Variants in PLCXD1 observed in about 807,000 individuals in gnomAD.
The protein encoded by PLCXD1 is phosphatidylinositol specific phospholipase C X domain containing 1, also known as PI-PLC X domain-containing protein 1.
A neutral mutation model predicts 37.8 loss-of-function variants in PLCXD1; 45 were observed. The ratio of observed to expected loss-of-function variants is 1.19; its 90% CI spans 0.94 to 1.53. PLCXD1 has a LOEUF of 1.53. Ranked by LOEUF, PLCXD1 falls within the 40% of genes most tolerant of loss-of-function variation. The probability of loss-of-function intolerance (pLI) is 0.00; values close to 1 mark genes in which losing one functional copy is unlikely to be tolerated. For missense variants in PLCXD1, 539 were observed against 454.7 expected, an observed-to-expected ratio of 1.19 and a Z score of -1.69; for synonymous variants, 246 against 206.9, an observed-to-expected ratio of 1.19 and a Z score of -1.62.
intron 2 of PLCXD1, among the ~76,000 whole-genome samples, chrX:284,906 G>A (rs770389665): frequency 1.4e-4 from 21 of 152,282 alleles, no homozygotes; most frequent in South Asian, 1.0e-3. Flanking sequence ...ATCAGATCTC[G>A]TGAGACTTAT....
At chrX:278,891 A>G (rs1187104235), upstream of PLCXD1, among the ~76,000 whole-genome samples, 1 of 152,204 alleles carries the variant, frequency 6.6e-6, no homozygotes, top group Non-Finnish European at 1.5e-5. Flanking sequence ...CCATACGTGT[A>G]AGACGAACCT....
Position 300,642 on chromosome X carries a change from GTGTA to G in PLCXD1, c.*1310_*1313del, listed in dbSNP as rs1174139208. 2 of 152,028 alleles carry G rather than the reference GTGTA, an allele frequency of 1.3e-5. No homozygotes were observed. Among genetic ancestry groups the G allele is most frequent in the African/African-American group, 4.8e-5 (2 of 41,376 alleles). The allele number at this position is 152,028 out of a possible 1,614,324, so 9.4% of individuals were successfully genotyped here. On this transcript the variant is annotated 3_prime_UTR_variant, in exon 7 of 7. Transcript: ENST00000381657. The stretch of plus-strand genomic sequence containing the variant: ...TACGTGTATGTATACATGTATATGT[GTGTA>G]TGCGTGTATATACACACGTATACAT...
chrX:285,453 C>G (rs771199838), intron 2 of PLCXD1, among the ~76,000 whole-genome samples: 1 of 152,286 alleles, frequency 6.6e-6, no homozygotes, highest in East Asian at 1.9e-4. Context: ...TGCACAGACA[C>G]ACGTGCACAC....
chrX:294,387 T>C (rs187669392), intron 6 of PLCXD1, among the ~76,000 whole-genome samples: 4,484 of 143,168 alleles, frequency 0.031, 132 homozygotes, highest in African/African-American at 0.082. Context: ...GAGGCTGAGG[T>C]AGGAGAATGG....
rs989872772 is a variant in PLCXD1 at position 284,330 on chromosome X, G to A, written c.127+16G>A. 6.2e-7 allele frequency: 1 copy of A among 1,612,274 alleles called. No individual in the cohort carries two copies. Among genetic ancestry groups the A allele is most frequent in the African/African-American group, 1.3e-5 (1 of 74,866 alleles). ...TCCATCCCAGGTGAGGTTGGGGTGG[G>A]GCAGGGGCCGTTGCCTCTATCCCAG... On this transcript the variant is annotated intron_variant, in intron 2 of 6. Coordinates refer to ENST00000381657, the MANE Select transcript of PLCXD1 (RefSeq NM_018390.4).
chrX:277,270 G>T (rs1398238934), upstream of PLCXD1, among the ~76,000 whole-genome samples: 1 of 117,712 alleles, frequency 8.5e-6, no homozygotes, highest in Non-Finnish European at 2.0e-5. Context: ...GGGGAACGTG[G>T]GGACAGATGT....
chrX:276,557 T>G (rs1033632107), upstream of PLCXD1, among the ~76,000 whole-genome samples: 4 of 151,896 alleles, frequency 2.6e-5, no homozygotes, highest in Admixed American at 1.3e-4. Flanking sequence ...GGGCAGGGGG[T>G]TCAGGGGGAG....
At position 290,325 on chromosome X, in the gene PLCXD1, G is replaced by C. The variant is rs191779120; in HGVS notation, c.265-323G>C. On this transcript the variant is annotated intron_variant, in intron 3 of 6. Transcript: ENST00000381657. ...GGCGCCTGCAGTCCCAGCTACTGGG[G>C]AGGCTGAGGCAGGAGAACGGCATGA... Among the ~76,000 whole-genome samples, 195 of 152,166 alleles carry C rather than the reference G, an allele frequency of 1.3e-3. 1 individual carries two copies. The East Asian group carries it at 0.016, about 12-fold the overall frequency.
At chrX:282,280 G>T (rs186476693) in intron 1 of PLCXD1, among the ~76,000 whole-genome samples, 2,754 of 151,982 alleles carry the variant, frequency 0.018, 69 homozygotes, top group African/African-American at 0.062. Context: ...TACTCTGGAG[G>T]CTGAGGCAGG....
At chrX:276,926 C>T (rs1237760791), upstream of PLCXD1, among the ~76,000 whole-genome samples, 6 of 152,200 alleles carry the variant, frequency 3.9e-5, no homozygotes, top group Admixed American at 6.5e-5. Context: ...CTCCCGAGGA[C>T]TCAGCGGGCG....
intron 6 of PLCXD1, among the ~76,000 whole-genome samples, chrX:296,948 C>T (rs1205452026): frequency 2.1e-4 from 25 of 120,858 alleles, no homozygotes; most frequent in African/African-American, 7.0e-4. Flanking sequence ...GGGATTAGGA[C>T]GTGGACATCT....
At chrX:283,878 C>CTT in intron 1 of PLCXD1, 10 of 192,260 alleles carry the variant, frequency 5.2e-5, no homozygotes, top group South Asian at 3.3e-4. Flanking sequence ...CTCTCTCTCT[C>CTT]TTTTTTTTTT....
rs1259533644 is a variant in PLCXD1, at chrX:299,563, G to A, written c.*228G>A. On this transcript the variant is annotated 3_prime_UTR_variant, in exon 7 of 7. Coordinates refer to ENST00000381657, the MANE Select transcript of PLCXD1 (RefSeq NM_018390.4). ...TCATGAGGTCAGGAGCTTGAGAGCA[G>A]CCTGACCAACATGGTGAAATCCCAT... 4 of 592,450 alleles carry A rather than the reference G, an allele frequency of 6.8e-6. No homozygotes were observed. The highest frequency in any genetic ancestry group is 5.6e-5 in the East Asian group (2 of 35,914). The allele number at this position is 592,450 out of a possible 1,614,324, so 36.7% of individuals were successfully genotyped here.
chrX:293,673 C>T (rs1260627996), intron 6 of PLCXD1, among the ~76,000 whole-genome samples: 13 of 152,054 alleles, frequency 8.5e-5, no homozygotes, highest in South Asian at 8.3e-4. Context: ...TCCATCCACG[C>T]GGTGGAATAT....
intron 6 of PLCXD1, among the ~76,000 whole-genome samples, 164 bp downstream of exon 6, chrX:293,382 G>A (rs1218776275): frequency 1.3e-5 from 2 of 152,216 alleles, no homozygotes; most frequent in Admixed American, 6.5e-5. Context: ...CCAGCACTTC[G>A]GGAGGCCGAG....
At chrX:287,988 C>G (rs1306640592) in intron 2 of PLCXD1, among the ~76,000 whole-genome samples, 1 of 147,830 alleles carries the variant, frequency 6.8e-6, no homozygotes, top group Non-Finnish European at 1.5e-5. Context: ...TCCTGAGGCT[C>G]TAGGGGAGGG....
rs767329167 is a variant in PLCXD1 at position 285,556 on chromosome X, T to A, written c.127+1242T>A. Among the ~76,000 whole-genome samples the A allele has an allele frequency of 5.8e-3, 393 of 68,264 alleles. 11 individuals are homozygous for A. The East Asian group carries it at 0.085, about 15-fold the overall frequency. 44.8% of individuals were successfully genotyped at this position (68,264 alleles called of 152,430 possible). On this transcript the variant is annotated intron_variant, in intron 2 of 6. Transcript: ENST00000381657. ...ACATGCATGCACACAGACATACACA[T>A]GTACACATTTGCACCTATTCACATA...
chrX:299,253 ACAT>A lies in PLCXD1; in HGVS notation c.895_897del (p.Ile299del). 1 of 1,613,918 alleles carries A rather than the reference ACAT, an allele frequency of 6.2e-7. No homozygotes were observed. Among genetic ancestry groups the A allele is most frequent in the Non-Finnish European group, 8.5e-7 (1 of 1,179,860 alleles). ...CCGGGGCCGGGTTCACGGTGCACCA[ACAT>A]CATCGCGGGGGACTTCATCGGCGCA... On this transcript the variant is annotated inframe_deletion, in exon 7 of 7. Coordinates refer to ENST00000381657, the MANE Select transcript of PLCXD1 (RefSeq NM_018390.4).
At chrX:294,204 C>CG (rs1569564662) in intron 6 of PLCXD1, among the ~76,000 whole-genome samples, 1 of 152,164 alleles carries the variant, frequency 6.6e-6, no homozygotes, top group African/African-American at 2.4e-5. Context: ...GGGCACAGGC[C>CG]GGGCGCGGTG....
Sources: allele counts gnomAD v4.1 joint callset (sites outside exome capture counted in the v4.1 genomes callset), GRCh38; gene constraint gnomAD v4.1.1; transcripts MANE v1.5; gene names NCBI Gene and HGNC (gene_info 2026-07-23, HGNC 2026-07-21).